The following FGFR2 variants were observed in gnomAD, a reference collection of about 807,000 sequenced individuals.
FGFR2 encodes fibroblast growth factor receptor 2, also known as BEK fibroblast growth factor receptor.
FGFR2 carries 19 observed loss-of-function variants against 95.9 expected under a neutral mutation model. The observed-to-expected ratio is 0.20, with a 90% CI of 0.14 to 0.29. The LOEUF (loss-of-function observed/expected upper bound fraction) is 0.29. Ranked by LOEUF, FGFR2 falls within the 10% of genes least tolerant of loss-of-function variation. The pLI is 1.00. For missense variants in FGFR2, 707 were observed against 1,056.9 expected (o/e 0.67, Z 4.59); for synonymous variants, 392 against 393.3 (o/e 1.00, Z 0.04).
At chr10:121,526,308 T>G (rs1229972051) in intron 6 of FGFR2, 3 of 397,976 alleles carry the variant, frequency 7.5e-6, no homozygotes, top group Non-Finnish European at 1.3e-5. Flanking sequence ...TTGCTTTTGT[T>G]GCATAAAAAC....
At chr10:121,575,394 A>C (rs539479678) in intron 2 of FGFR2, among the ~76,000 whole-genome samples, 61 of 152,260 alleles carry the variant, frequency 4.0e-4, no homozygotes, top group African/African-American at 1.4e-3. Flanking sequence ...GTGTTCTCCA[A>C]AAAAAGATGC....
At chr10:121,525,084 CT>C (rs1851180198) in intron 6 of FGFR2, among the ~76,000 whole-genome samples, 1 of 152,158 alleles carries the variant, frequency 6.6e-6, no homozygotes, top group African/African-American at 2.4e-5. Context: ...ACAGATTTTC[CT>C]TTTTACAAAG....
intron 2 of FGFR2, among the ~76,000 whole-genome samples, chr10:121,585,942 A>G (rs947966066): frequency 5.9e-5 from 9 of 152,206 alleles, no homozygotes; most frequent in African/African-American, 2.2e-4. Flanking sequence ...TCCCACTGTC[A>G]ACTGAAAATC....
intron 4 of FGFR2, among the ~76,000 whole-genome samples, chr10:121,553,861 C>T (rs1193854124): frequency 6.6e-6 from 1 of 152,174 alleles, no homozygotes; most frequent in Non-Finnish European, 1.5e-5. Flanking sequence ...CTTTTCTGCC[C>T]TCACTGGGCC....
At chr10:121,484,502 A>G (rs1845157834) in intron 16 of FGFR2, among the ~76,000 whole-genome samples, 1 of 152,246 alleles carries the variant, frequency 6.6e-6, no homozygotes, top group South Asian at 2.1e-4. Flanking sequence ...GCCATTCATC[A>G]GACATCCACG....
chr10:121,528,876 G>T (rs1468935544), intron 6 of FGFR2, among the ~76,000 whole-genome samples: 1 of 151,918 alleles, frequency 6.6e-6, no homozygotes, highest in South Asian at 2.1e-4. Context: ...ATGAACACTC[G>T]GTGAGAGTCT....
intron 14 of FGFR2, among the ~76,000 whole-genome samples, chr10:121,487,714 T>C (rs1349874608): frequency 6.6e-6 from 1 of 152,250 alleles, no homozygotes; most frequent in Non-Finnish European, 1.5e-5. Flanking sequence ...CAAGCTGTAG[T>C]TTTTGCTATG....
At chr10:121,489,007 G>T (rs562432374) in intron 13 of FGFR2, among the ~76,000 whole-genome samples, 23 of 152,208 alleles carry the variant, frequency 1.5e-4, no homozygotes, top group Non-Finnish European at 2.5e-4. Context: ...CCTCCTCTGT[G>T]GCTTCAGATG....
At position 121,531,370 on chromosome 10, in the gene FGFR2, C is replaced by T. The variant is rs1218712808; in HGVS notation, c.748+7222G>A. 6.6e-6 allele frequency: 1 copy of T among 152,104 alleles called. No homozygotes were observed. The highest frequency in any genetic ancestry group is 1.5e-5 in the Non-Finnish European group (1 of 68,032). 9.4% of individuals were successfully genotyped at this position (152,104 alleles called of 1,614,324 possible). On this transcript the variant is annotated intron_variant, in intron 6 of 17. Coordinates refer to ENST00000358487, the MANE Select transcript of FGFR2 (RefSeq NM_000141.5). This position sits in a 1 kb window ranked among gnomAD's most constrained non-coding sequence, Gnocchi z 4.5. ...AGCTGCCACTAACCAGCCTTTGCCC[C>T]CCGGGATCCCTGTTGTGAAACAGGA...
At chr10:121,500,992 G>A (rs1302287495) in intron 10 of FGFR2, 45 bp from the exon 11 acceptor site, 1 of 1,610,390 alleles carries the variant, frequency 6.2e-7, no homozygotes, top group Admixed American at 1.7e-5. Context: ...CTGGTGATGG[G>A]GTGTAGTGAG....
intron 13 of FGFR2, among the ~76,000 whole-genome samples, chr10:121,496,216 C>T (rs542372773): frequency 1.1e-3 from 166 of 151,952 alleles, no homozygotes; most frequent in African/African-American, 4.0e-3. Flanking sequence ...GAAAATCATC[C>T]GAATTAAAGG....
At chr10:121,590,572 G>A (rs764265260) in intron 2 of FGFR2, among the ~76,000 whole-genome samples, 2 of 152,116 alleles carry the variant, frequency 1.3e-5, no homozygotes, top group Non-Finnish European at 2.9e-5. Flanking sequence ...AAATCTTCTA[G>A]AGATTATTTT....
chr10:121,490,392 G>A (rs915507214), intron 13 of FGFR2, among the ~76,000 whole-genome samples: 73 of 152,194 alleles, frequency 4.8e-4, no homozygotes, highest in African/African-American at 1.7e-3. Flanking sequence ...TCAAACTCCT[G>A]ACCTCAAGTG....
intron 6 of FGFR2, among the ~76,000 whole-genome samples, chr10:121,536,433 G>A (rs988506690): frequency 6.6e-6 from 1 of 152,082 alleles, no homozygotes; most frequent in Non-Finnish European, 1.5e-5. Context: ...TTAGCTGGGC[G>A]ATCTCCCAAA....
intron 7 of FGFR2, 61 bp downstream of exon 7, chr10:121,519,918 G>T: frequency 6.5e-7 from 1 of 1,534,762 alleles, no homozygotes; most frequent in Non-Finnish European, 9.0e-7. Flanking sequence ...CAAAGAACCT[G>T]TGGCCAAACC....
Position 121,518,548 on chromosome 10 carries a change from A to C in FGFR2, c.940-1085T>G. 1 of 1,001,324 alleles carries C rather than the reference A, an allele frequency of 1.0e-6. No individual in the cohort carries two copies. Among genetic ancestry groups the C allele is most frequent in the Non-Finnish European group, 1.5e-6 (1 of 686,380 alleles). 62.0% of individuals were successfully genotyped at this position (1,001,324 alleles called of 1,614,324 possible). A position where few individuals can be genotyped will look rare whatever the true frequency, so the allele number is the denominator to read the frequency against. On this transcript the variant is annotated intron_variant, in intron 7 of 17. Coordinates refer to ENST00000358487, the MANE Select transcript of FGFR2 (RefSeq NM_000141.5). The surrounding 1 kb of genome is among the most constrained non-coding windows in gnomAD (Gnocchi z 4.0). ...ATCATACCAGCTGCATCACCGAAGA[A>C]AGATTATTATAAATATACCAAGGCC...
At position 121,538,684 on chromosome 10, in the gene FGFR2, T is replaced by C. The variant is rs1390042185; in HGVS notation, c.656A>G (p.Glu219Gly). The C allele has an allele frequency of 6.2e-7, 1 of 1,614,114 alleles. No homozygotes were observed. The change falls in exon 6 of 18, where the codon GAA (glutamate) becomes GGA (glycine). Residue 219 changes from glutamate (E) to glycine (G), a missense_variant. Glu to Gly is a moderately conservative substitution (Grantham distance 98, BLOSUM62 -2). Coordinates refer to ENST00000358487, the MANE Select transcript of FGFR2 (RefSeq NM_000141.5). ...VRNQHWSLIM[E>G]SVVPSDKGNY... ...TCCCTTGTCAGATGGGACCACACTT[T>C]CCATAATGAGGCTCCAGTGCTGGTT... is the stretch of plus-strand genomic sequence containing the variant.
intron 5 of FGFR2, among the ~76,000 whole-genome samples, chr10:121,546,870 G>C (rs939197506): frequency 2.0e-5 from 3 of 152,186 alleles, no homozygotes; most frequent in Non-Finnish European, 2.9e-5. Flanking sequence ...AGTTTTTCAG[G>C]TATTTGCTTT....
Position 121,481,960 on chromosome 10 carries a change from C to T in FGFR2, c.2301+1738G>A, listed in dbSNP as rs1455446944. The T allele has an allele frequency of 1.5e-5, 6 of 390,490 alleles. No individual in the cohort carries two copies. The Admixed American group carries it at 2.0e-4, about 13-fold the overall frequency. 24.2% of individuals were successfully genotyped at this position (390,490 alleles called of 1,614,324 possible). ...CAAGTGACTCTCCTGCCTCAGCCTC[C>T]CGGAGTAGCTGGGATTACAGGTGCA... On this transcript the variant is annotated intron_variant, in intron 17 of 17. Coordinates refer to ENST00000358487, the MANE Select transcript of FGFR2 (RefSeq NM_000141.5).
Sources: gnomAD v4.1 joint callset for allele counts (sites outside exome capture counted in the v4.1 genomes callset) on GRCh38, gnomAD v4.1.1 for gene constraint, Gnocchi (gnomAD v3.1) non-coding constraint, MANE v1.5 for transcripts, NCBI Gene and HGNC (gene_info 2026-07-23, HGNC 2026-07-21) for gene names.